The following ABCB10 variants were observed in gnomAD, a reference collection of about 807,000 sequenced individuals.
The protein encoded by ABCB10 is ATP binding cassette subfamily B member 10, also known as ATP-binding cassette sub-family B member 10, mitochondrial.
A neutral mutation model predicts 65.4 loss-of-function variants in ABCB10; 54 were observed. The observed-to-expected ratio is 0.83, with a 90% CI of 0.66 to 1.04. ABCB10 has a LOEUF of 1.04. Ranked by LOEUF, ABCB10 falls within the 50% of genes least tolerant of loss-of-function variation. The pLI is 0.00. For missense variants in ABCB10, 846 were observed against 976.6 expected (o/e 0.87, Z 1.78); for synonymous variants, 418 against 406.5 (o/e 1.03, Z -0.34).
chr1:229,524,108 C>T (rs190956874), intron 10 of ABCB10, among the ~76,000 whole-genome samples: 222 of 151,928 alleles, frequency 1.5e-3, no homozygotes, highest in African/African-American at 4.6e-3. Flanking sequence ...AATCTGCCAG[C>T]CTTCACTGTC....
At chr1:229,524,763 TAAGAATGTGTTTTACATTTTTA>T (rs1351974424) in intron 10 of ABCB10, among the ~76,000 whole-genome samples, 4 of 152,040 alleles carry the variant, frequency 2.6e-5, no homozygotes, top group African/African-American at 7.2e-5. Flanking sequence ...GCCCTCAAGC[TAAGAATGTGTTTTACATTTTTA>T]AAGTTGCTTA....
intron 8 of ABCB10, among the ~76,000 whole-genome samples, chr1:229,529,294 T>A (rs1277378626): frequency 1.6e-3 from 12 of 7,736 alleles, no homozygotes; most frequent in Admixed American, 6.3e-3. Context: ...AGACTCCGTC[T>A]CAAAAAAAAA....
intron 1 of ABCB10, among the ~76,000 whole-genome samples, chr1:229,554,804 G>A (rs1399065394): frequency 6.6e-6 from 1 of 152,164 alleles, no homozygotes; most frequent in African/African-American, 2.4e-5. Flanking sequence ...CACTGTCCCT[G>A]CGGGATCTCC....
chr1:229,558,591 C>T lies in ABCB10; in HGVS notation c.62G>A (p.Gly21Asp). ...LLEPPSPAEP[G>D]RLLPVACVWA... ...CACGCAGGCTACCGGCAGGAGCCGA[C>T]CTGGCTCGGCAGGGCTCGGTGGCTC... Residue 21 changes from glycine (G) to aspartate (D), a missense_variant, in exon 1 of 13, where the codon GGT (glycine) becomes GAT (aspartate). Physicochemically the swap from Gly to Asp is moderately conservative, Grantham distance 94. Around this residue, in one of 2 missense-constraint regions of ABCB10, gnomAD observed 214 missense variants for 173.5 expected, o/e 1.23. Coordinates refer to ENST00000344517, the MANE Select transcript of ABCB10 (RefSeq NM_012089.3). 1.4e-6 allele frequency: 2 copies of T among 1,442,112 alleles called. No individual in the cohort carries two copies. The highest frequency in any genetic ancestry group is 5.0e-5 in the Admixed American group (2 of 39,710). The allele number at this position is 1,442,112 out of a possible 1,614,324, so 89.3% of individuals were successfully genotyped here. A position where few individuals can be genotyped will look rare whatever the true frequency, so the allele number is the denominator to read the frequency against.
At chr1:229,540,347 G>A (rs1303942750) in intron 5 of ABCB10, among the ~76,000 whole-genome samples, 2 of 152,192 alleles carry the variant, frequency 1.3e-5, no homozygotes, top group African/African-American at 4.8e-5. Flanking sequence ...CCAGTGCTCA[G>A]GCAAAGCTGA....
intron 3 of ABCB10, 40 bp downstream of exon 3, chr1:229,547,459 C>T (rs1254805105): frequency 6.2e-7 from 1 of 1,607,868 alleles, no homozygotes; most frequent in Admixed American, 1.7e-5. Context: ...GCAAGCCAAG[C>T]CCTGGCAGGA....
intron 1 of ABCB10, among the ~76,000 whole-genome samples, chr1:229,555,435 C>T (rs759859448): frequency 1.5e-4 from 23 of 152,266 alleles, no homozygotes; most frequent in Admixed American, 2.0e-4. Context: ...CCCAAAGGGG[C>T]GGCTTAGGCC....
intron 2 of ABCB10, among the ~76,000 whole-genome samples, chr1:229,548,708 G>C (rs1663027671): frequency 6.9e-6 from 1 of 145,750 alleles, no homozygotes; most frequent in African/African-American, 2.6e-5. Flanking sequence ...TGTCCCCCAT[G>C]CTGGAGTGCA....
chr1:229,524,316 C>G (rs1191742398), intron 10 of ABCB10, among the ~76,000 whole-genome samples: 1 of 151,948 alleles, frequency 6.6e-6, no homozygotes, highest in Non-Finnish European at 1.5e-5. Context: ...TGCTCACCAC[C>G]ACACCTGGCT....
intron 3 of ABCB10, among the ~76,000 whole-genome samples, chr1:229,545,885 T>C (rs1662952865): frequency 6.6e-6 from 1 of 152,134 alleles, no homozygotes; most frequent in Non-Finnish European, 1.5e-5. Flanking sequence ...AATACTTTTG[T>C]GATGAGCCGG....
chr1:229,557,723 T>C (rs1159534148), intron 1 of ABCB10, among the ~76,000 whole-genome samples: 1 of 151,790 alleles, frequency 6.6e-6, no homozygotes, highest in East Asian at 1.9e-4. Flanking sequence ...AATAATGTGT[T>C]TTTGGTTAAA....
rs1279085762 is a variant in ABCB10, at chr1:229,558,543, G to C, written c.110C>G (p.Pro37Arg). 9.7e-6 allele frequency: 14 copies of C among 1,440,270 alleles called. No individual in the cohort carries two copies. Among genetic ancestry groups the C allele is most frequent in the Middle Eastern group, 2.5e-4 (1 of 4,050 alleles). 89.2% of individuals were successfully genotyped at this position (1,440,270 alleles called of 1,614,324 possible). The change falls in exon 1 of 13, where the codon CCC becomes CGC. Residue 37 changes from proline to arginine, a missense_variant. Physicochemically the swap from Pro to Arg is moderately radical, Grantham distance 103. Coordinates refer to ENST00000344517, the MANE Select transcript of ABCB10 (RefSeq NM_012089.3). ...ACVWAAASRV[P>R]GSLSPFTGLR... ...GCCAGTGAACGGCGATAGGGACCCG[G>C]GAACGCGGCTGGCCGCGGCCCACAC...
At chr1:229,551,005 C>G (rs1447950515) in intron 1 of ABCB10, among the ~76,000 whole-genome samples, 7 of 152,132 alleles carry the variant, frequency 4.6e-5, no homozygotes, top group Non-Finnish European at 8.8e-5. Context: ...TATCAAACTC[C>G]TGGCCTCAAG....
chr1:229,544,520 T>A (rs1662924606), intron 3 of ABCB10, among the ~76,000 whole-genome samples: 1 of 147,616 alleles, frequency 6.8e-6, no homozygotes, highest in Non-Finnish European at 1.5e-5. Context: ...ATACACAATA[T>A]CAGGTTCTCA....
chr1:229,542,376 C>A lies in ABCB10; in HGVS notation c.922-5G>T, dbSNP rs1558126209. 30 of 1,591,552 alleles carry A rather than the reference C, an allele frequency of 1.9e-5. No individual in the cohort carries two copies. The Admixed American group carries it at 2.4e-4, about 13-fold the overall frequency. On this transcript the variant is annotated splice_polypyrimidine_tract_variant and splice_region_variant and intron_variant, in intron 3 of 12. Coordinates refer to ENST00000344517, the MANE Select transcript of ABCB10 (RefSeq NM_012089.3). ...CAGATTAGGTGAGACAAAAAACTGT[C>A]AAAAACAAAAAAAAATTCAGAGGTG...
chr1:229,519,400 T>C (rs562939751), intron 11 of ABCB10, among the ~76,000 whole-genome samples: 3 of 152,306 alleles, frequency 2.0e-5, no homozygotes, highest in East Asian at 3.9e-4. Context: ...GTATCGTTCA[T>C]AGCACAGTTT....
At chr1:229,546,263 T>C (rs1662965111) in intron 3 of ABCB10, among the ~76,000 whole-genome samples, 1 of 152,068 alleles carries the variant, frequency 6.6e-6, no homozygotes, top group Admixed American at 6.6e-5. Flanking sequence ...CTTAATACCA[T>C]TTCTTTTTTC....
chr1:229,558,235 GCGCCGCCGGCCCGCGCCGCCAGGCCT>G lies in ABCB10; in HGVS notation c.392_417del (p.Glu131AlafsTer28). ...CGCAGCCGCCCCTTGTCCCCGGGAG[GCGCCGCCGGCCCGCGCCGCCAGGCCT>G]CGTCCCCTGCCCAGGCAGCGGCTGC... On this transcript the variant is annotated frameshift_variant, in exon 1 of 13. Transcript: ENST00000344517. LOFTEE classifies it high-confidence loss of function. 1.5e-6 allele frequency: 2 copies of G among 1,353,082 alleles called. No individual in the cohort carries two copies. Among genetic ancestry groups the G allele is most frequent in the Non-Finnish European group, 1.9e-6 (2 of 1,055,466 alleles). The allele number at this position is 1,353,082 out of a possible 1,614,324, so 83.8% of individuals were successfully genotyped here. A position where few individuals can be genotyped will look rare whatever the true frequency, so the allele number is the denominator to read the frequency against.
At chr1:229,532,424 T>C (rs1662607158) in intron 6 of ABCB10, among the ~76,000 whole-genome samples, 1 of 152,176 alleles carries the variant, frequency 6.6e-6, no homozygotes, top group South Asian at 2.1e-4. Flanking sequence ...TAAAAAAATA[T>C]AAAATACTTC....
Sources: gnomAD v4.1 joint callset for allele counts (sites outside exome capture counted in the v4.1 genomes callset) on GRCh38, gnomAD v4.1.1 for gene constraint, gnomAD v4.1.1 regional missense constraint, MANE v1.5 for transcripts, NCBI Gene and HGNC (gene_info 2026-07-23, HGNC 2026-07-21) for gene names.